TANGO6: variants seen among roughly 807,000 people sequenced by gnomAD.
TANGO6 encodes transport and Golgi organization protein 6 homolog.
A neutral mutation model predicts 114.2 loss-of-function variants in TANGO6; 90 were observed. The ratio of observed to expected loss-of-function variants is 0.79; its 90% CI spans 0.66 to 0.94. The LOEUF is 0.94. TANGO6 is among the 40% of genes least tolerant of loss of function. The pLI, the probability that TANGO6 is intolerant of heterozygous loss-of-function variation, is 0.00. For missense variants in TANGO6, 1,274 were observed against 1,315.3 expected, an observed-to-expected ratio of 0.97 and a Z score of 0.49; for synonymous variants, 477 against 509.8, an observed-to-expected ratio of 0.94 and a Z score of 0.87.
At chr16:69,062,817 C>G (rs113875238) in intron 17 of TANGO6, among the ~76,000 whole-genome samples, 2 of 150,338 alleles carry the variant, frequency 1.3e-5, no homozygotes, top group Admixed American at 1.3e-4. Context: ...AAGAATCAGC[C>G]AGGCGCAGTG....
chr16:69,040,189 A>G, intron 16 of TANGO6, 119 bp from the exon 17 acceptor site: 2 of 807,802 alleles, frequency 2.5e-6, no homozygotes, highest in Non-Finnish European at 4.0e-6. Flanking sequence ...GCAACTATCC[A>G]GCCCTCTCTA....
chr16:68,882,862 C>CA (rs1014619393), intron 7 of TANGO6, among the ~76,000 whole-genome samples: 8 of 151,824 alleles, frequency 5.3e-5, no homozygotes, highest in South Asian at 4.2e-4. Flanking sequence ...ACTAAAAATA[C>CA]AAAAAATTAG....
intron 14 of TANGO6, among the ~76,000 whole-genome samples, chr16:68,947,821 A>T (rs999240336): frequency 6.6e-6 from 1 of 151,940 alleles, no homozygotes; most frequent in Non-Finnish European, 1.5e-5. Context: ...GAAACTCCTG[A>T]CCTCAGGTGA....
At chr16:69,014,841 A>G (rs1959260750) in intron 15 of TANGO6, among the ~76,000 whole-genome samples, 1 of 150,812 alleles carries the variant, frequency 6.6e-6, no homozygotes, top group South Asian at 2.1e-4. Flanking sequence ...TTCTGCAGTG[A>G]GTTATGATTG....
rs376805485 is a variant in TANGO6 at position 69,083,616 on chromosome 16, G to C, written c.3240G>C (p.Leu1080=). The C allele has an allele frequency of 3.2e-6, 5 of 1,580,096 alleles. No individual in the cohort carries two copies. The highest frequency in any genetic ancestry group is 4.6e-5 in the East Asian group (2 of 43,306). Residue 1080 remains leucine, a synonymous_variant, in exon 18 of 18, where the codon CTG becomes CTC. Coordinates refer to ENST00000261778, the MANE Select transcript of TANGO6 (RefSeq NM_024562.2). ...EELDDIMKNF[L]FPPQKLEKKI... is the part of the protein sequence containing the mutation. ...TGGATGACATCATGAAAAACTTCCT[G>C]TTCCCTCCACAGAAGCTGGAGAAGA...
intron 7 of TANGO6, among the ~76,000 whole-genome samples, chr16:68,884,825 A>T (rs1200161376): frequency 2.6e-5 from 4 of 152,214 alleles, no homozygotes. Flanking sequence ...TCCCCAAAAA[A>T]GAGGGAGGAA....
At chr16:68,928,496 G>A (rs1963199908) in intron 13 of TANGO6, among the ~76,000 whole-genome samples, 1 of 151,656 alleles carries the variant, frequency 6.6e-6, no homozygotes, top group Non-Finnish European at 1.5e-5. Context: ...AGTAGAGACG[G>A]GCACCATGTT....
At chr16:69,070,746 ATATTATTAT>A (rs145226838) in intron 17 of TANGO6, among the ~76,000 whole-genome samples, 171 of 141,734 alleles carry the variant, frequency 1.2e-3, no homozygotes, top group Middle Eastern at 3.6e-3. Context: ...GCAAGAATCA[ATATTATTAT>A]TATTATTATT....
chr16:69,070,233 G>GAAAAT (rs1960277807), intron 17 of TANGO6, among the ~76,000 whole-genome samples: 1 of 151,832 alleles, frequency 6.6e-6, no homozygotes, highest in Non-Finnish European at 1.5e-5. Flanking sequence ...GAAAAGAAAA[G>GAAAAT]AAAGTAGTGA....
At chr16:68,941,190 G>A (rs928441026) in intron 14 of TANGO6, among the ~76,000 whole-genome samples, 1 of 151,876 alleles carries the variant, frequency 6.6e-6, no homozygotes, top group Non-Finnish European at 1.5e-5. Flanking sequence ...GATTAAGTAA[G>A]GAAAAGAAAA....
In TANGO6 at chr16:68,943,660, C is replaced by G. The variant is rs544057464; in HGVS notation, c.2701+13365C>G. ...GATTACAGGCGTGAGCCACCGCACC[C>G]GGCCAAGATATTTTTTTTTTAACAG... On this transcript the variant is annotated intron_variant, in intron 14 of 17. Transcript: ENST00000261778. Among the ~76,000 whole-genome samples, 3 of 152,140 alleles carry G rather than the reference C, an allele frequency of 2.0e-5. No individual in the cohort carries two copies. The South Asian group carries it at 6.2e-4, about 32-fold the overall frequency.
At chr16:69,006,101 GC>G (rs1964089746) in intron 15 of TANGO6, among the ~76,000 whole-genome samples, 1 of 152,200 alleles carries the variant, frequency 6.6e-6, no homozygotes, top group Non-Finnish European at 1.5e-5. Context: ...CAGAAGCGAT[GC>G]CAGTCAGAAA....
chr16:69,025,928 T>C (rs541956218), intron 16 of TANGO6: 1 of 223,270 alleles, frequency 4.5e-6, no homozygotes, highest in African/African-American at 2.3e-5. Flanking sequence ...ACTTCTTCTA[T>C]TTCTAGTTAA....
intron 14 of TANGO6, among the ~76,000 whole-genome samples, chr16:68,933,330 G>A (rs1277836143): frequency 6.6e-6 from 1 of 152,154 alleles, no homozygotes; most frequent in Non-Finnish European, 1.5e-5. Flanking sequence ...CAGGAGAATT[G>A]CTTGAACCCA....
chr16:68,856,832 A>G (rs1309554429), intron 1 of TANGO6, among the ~76,000 whole-genome samples: 1 of 152,092 alleles, frequency 6.6e-6, no homozygotes, highest in East Asian at 1.9e-4. Context: ...TTCCTTGGCC[A>G]GGCGCGGTGG....
At chr16:69,065,101 C>G (rs1960193742) in intron 17 of TANGO6, among the ~76,000 whole-genome samples, 1 of 152,214 alleles carries the variant, frequency 6.6e-6, no homozygotes, top group African/African-American at 2.4e-5. Context: ...CTGCTTTGTG[C>G]TATTTCAGGG....
At chr16:68,845,523 A>T (rs987737256) in intron 1 of TANGO6, among the ~76,000 whole-genome samples, 3 of 152,088 alleles carry the variant, frequency 2.0e-5, no homozygotes, top group Non-Finnish European at 2.9e-5. Flanking sequence ...TCTGTCTACT[A>T]TTTTATCATA....
intron 11 of TANGO6, among the ~76,000 whole-genome samples, chr16:68,914,996 CACACAT>C (rs1205469507): frequency 7.1e-6 from 1 of 141,294 alleles, no homozygotes; most frequent in Non-Finnish European, 1.5e-5. Context: ...CACACACACA[CACACAT>C]ATAGATAGTG....
intron 3 of TANGO6, 79 bp from the exon 4 acceptor site, chr16:68,867,000 T>TTTTC: frequency 2.1e-6 from 1 of 481,226 alleles, no homozygotes; most frequent in Non-Finnish European, 3.3e-6. Flanking sequence ...TTTTTTTTTT[T>TTTTC]ACAGGCATGA....
Sources: allele counts gnomAD v4.1 joint callset (sites outside exome capture counted in the v4.1 genomes callset), GRCh38; gene constraint gnomAD v4.1.1; transcripts MANE v1.5; gene names NCBI Gene and HGNC (gene_info 2026-07-23, HGNC 2026-07-21).